The following TSPAN5 variants were observed in gnomAD, a reference collection of about 807,000 sequenced individuals.
TSPAN5 encodes the protein tetraspanin 5.
Under a neutral mutation model 37.1 loss-of-function variants are expected in TSPAN5, and 10 were observed. The observed-to-expected ratio is 0.27, with a 90% confidence interval of 0.17 to 0.46. The LOEUF (loss-of-function observed/expected upper bound fraction) is 0.46. Among genes scored for constraint, TSPAN5 ranks in the 20% least tolerant of loss-of-function variants. The pLI is 1.00. For synonymous variants in TSPAN5, 110 were observed against 118.9 expected, an observed-to-expected ratio of 0.93 and a Z score of 0.48; for missense variants, 195 against 326.6, an observed-to-expected ratio of 0.60 and a Z score of 3.11.
chr4:98,643,971 G>A (rs556657459), intron 1 of TSPAN5, among the ~76,000 whole-genome samples: 1 of 152,306 alleles, frequency 6.6e-6, no homozygotes, highest in East Asian at 1.9e-4. Context: ...TTCCCAGCCC[G>A]TCTTCTGCCT....
intron 1 of TSPAN5, among the ~76,000 whole-genome samples, chr4:98,551,648 C>T (rs1316300922): frequency 4.5e-5 from 5 of 111,776 alleles, no homozygotes; most frequent in Admixed American, 1.1e-4. Context: ...GGTACCATCA[C>T]GCCCAGCTAA....
chr4:98,640,680 C>A (rs935984850), intron 1 of TSPAN5, among the ~76,000 whole-genome samples: 7 of 152,172 alleles, frequency 4.6e-5, no homozygotes, highest in Admixed American at 1.3e-4. Flanking sequence ...GATACACTCT[C>A]CTCCAATGGG....
In TSPAN5 at chr4:98,497,133, T is replaced by A. The variant is rs1171162667; in HGVS notation, c.133-10249A>T. On this transcript the variant is annotated intron_variant, in intron 2 of 7. Coordinates refer to ENST00000305798, the MANE Select transcript of TSPAN5 (RefSeq NM_005723.4). ...TGAGGTCAGGAGTTTGAGACCAGCCTGGCCAACACAGTGAAACCCCGTCTC... is the reference window on the plus strand; with the variant it reads ...TGAGGTCAGGAGTTTGAGACCAGCCAGGCCAACACAGTGAAACCCCGTCTC... Among the ~76,000 whole-genome samples, 5 of 152,124 alleles carry A rather than the reference T, an allele frequency of 3.3e-5. No individual in the cohort carries two copies. The East Asian group carries it at 9.7e-4, about 30-fold the overall frequency.
intron 1 of TSPAN5, among the ~76,000 whole-genome samples, chr4:98,630,336 G>A (rs766633073): frequency 9.9e-5 from 15 of 152,118 alleles, no homozygotes; most frequent in Non-Finnish European, 1.5e-4. Flanking sequence ...ATCCCTACCC[G>A]CCTCCAATAC....
intron 1 of TSPAN5, among the ~76,000 whole-genome samples, chr4:98,637,529 G>T (rs1047306799): frequency 2.0e-5 from 3 of 152,156 alleles, no homozygotes; most frequent in Non-Finnish European, 4.4e-5. Context: ...AACAGGAGTG[G>T]TGTTTCAACA....
chr4:98,484,722 GA>G, intron 3 of TSPAN5: 1 of 386,882 alleles, frequency 2.6e-6, no homozygotes, highest in South Asian at 2.0e-5. Context: ...AGCATTCTGG[GA>G]GGCTGAGCAA....
At chr4:98,536,666 G>T (rs961298311) in intron 1 of TSPAN5, among the ~76,000 whole-genome samples, 4 of 152,248 alleles carry the variant, frequency 2.6e-5, no homozygotes, top group African/African-American at 9.6e-5. Context: ...CCTGACTGGG[G>T]CTGCTACCTT....
rs6829942 is a variant in TSPAN5, at chr4:98,590,030, C to G, written c.81+68116G>C. On this transcript the variant is annotated intron_variant, in intron 1 of 7. Transcript: ENST00000305798. ...ACTTTCAGTATCCCATCCTACTGTACGAAATTCCAGTCACATCACTGCATA... is the reference window on the plus strand; with the variant it reads ...ACTTTCAGTATCCCATCCTACTGTAGGAAATTCCAGTCACATCACTGCATA... Among the ~76,000 whole-genome samples the G allele has an allele frequency of 9.2e-3, 1,397 of 152,242 alleles. 13 individuals carry two copies. The highest frequency in any genetic ancestry group is 0.012 in the Non-Finnish European group (849 of 68,012).
chr4:98,516,951 C>T (rs562961752), intron 1 of TSPAN5, among the ~76,000 whole-genome samples: 60 of 152,314 alleles, frequency 3.9e-4, no homozygotes, highest in African/African-American at 1.3e-3. Flanking sequence ...TGCCCTTGAA[C>T]TTCCCAGCCT....
At chr4:98,484,815 C>T (rs1367923219) in intron 3 of TSPAN5, 1 of 299,270 alleles carries the variant, frequency 3.3e-6, no homozygotes, top group Non-Finnish European at 6.4e-6. Flanking sequence ...AAAAAAAATA[C>T]AATTCAGAGG....
intron 1 of TSPAN5, among the ~76,000 whole-genome samples, chr4:98,617,885 A>G (rs946928964): frequency 1.3e-5 from 2 of 152,214 alleles, no homozygotes; most frequent in African/African-American, 4.8e-5. Context: ...GGTCTGGCCC[A>G]TCATTTTCAA....
chr4:98,548,066 T>C (rs1182981309), intron 1 of TSPAN5, among the ~76,000 whole-genome samples: 3 of 145,976 alleles, frequency 2.1e-5, no homozygotes, highest in African/African-American at 7.6e-5. Context: ...CGTGCACACA[T>C]ACACAATTTT....
At chr4:98,632,243 C>A (rs1451117715) in intron 1 of TSPAN5, among the ~76,000 whole-genome samples, 1 of 152,090 alleles carries the variant, frequency 6.6e-6, no homozygotes, top group Non-Finnish European at 1.5e-5. Flanking sequence ...AGTGTTCTTA[C>A]CTCTTAAAAT....
At chr4:98,613,324 G>A (rs1022975769) in intron 1 of TSPAN5, among the ~76,000 whole-genome samples, 3 of 152,088 alleles carry the variant, frequency 2.0e-5, no homozygotes, top group Non-Finnish European at 2.9e-5. Context: ...AAAGCAGCAG[G>A]CTTACAAATG....
At chr4:98,515,972 C>T (rs979348678) in intron 1 of TSPAN5, among the ~76,000 whole-genome samples, 5 of 152,194 alleles carry the variant, frequency 3.3e-5, no homozygotes, top group African/African-American at 1.2e-4. Flanking sequence ...ATCAGGGCTT[C>T]TAGATGCATC....
At chr4:98,501,166 T>C (rs550328544) in intron 2 of TSPAN5, among the ~76,000 whole-genome samples, 10 of 152,208 alleles carry the variant, frequency 6.6e-5, no homozygotes, top group Admixed American at 2.0e-4. Context: ...ACGAGAGAAG[T>C]AATTTTCTTC....
intron 2 of TSPAN5, among the ~76,000 whole-genome samples, chr4:98,498,945 C>T (rs72891200): frequency 0.031 from 4,757 of 152,194 alleles, 216 homozygotes; most frequent in African/African-American, 0.11. Context: ...GGGGACAGCA[C>T]GGAAGAGGTG....
rs147192202 is a variant in TSPAN5 at position 98,643,365 on chromosome 4, G to A, written c.81+14781C>T. On this transcript the variant is annotated intron_variant, in intron 1 of 7. Coordinates refer to ENST00000305798, the MANE Select transcript of TSPAN5 (RefSeq NM_005723.4). ...TGTTTGCACAATGATGAAATCCCAT[G>A]ACTCATTTCTCAGAACATACCCCTG... Among the ~76,000 whole-genome samples the A allele has an allele frequency of 2.4e-3, 365 of 152,188 alleles. 3 individuals are homozygous for A. The highest frequency in any genetic ancestry group is 8.4e-3 in the African/African-American group (348 of 41,522).
intron 1 of TSPAN5, among the ~76,000 whole-genome samples, chr4:98,558,984 G>A (rs984868059): frequency 6.6e-6 from 1 of 152,150 alleles, no homozygotes; most frequent in African/African-American, 2.4e-5. Flanking sequence ...CACAGAATAA[G>A]CCAGAAGAAA....
Sources: gnomAD v4.1 joint callset for allele counts (sites outside exome capture counted in the v4.1 genomes callset) on GRCh38, gnomAD v4.1.1 for gene constraint, MANE v1.5 for transcripts, NCBI Gene and HGNC (gene_info 2026-07-23, HGNC 2026-07-21) for gene names.